The following N4BP2L2 variants were observed in gnomAD, a reference collection of about 807,000 sequenced individuals.
N4BP2L2 encodes the protein NEDD4 binding protein 2 like 2, also known as NEDD4-binding protein 2-like 2.
A neutral mutation model predicts 56.2 loss-of-function variants in N4BP2L2; 50 were observed. That is an observed-to-expected ratio of 0.89 (90% CI 0.71 to 1.13). The LOEUF is 1.13. Among genes scored for constraint, N4BP2L2 ranks in the 50% most tolerant of loss-of-function variants. N4BP2L2 has a pLI of 0.00. For missense variants in N4BP2L2, 689 were observed against 693.8 expected (o/e 0.99, Z 0.08); for synonymous variants, 203 against 223.6 (o/e 0.91, Z 0.82).
chr13:32,483,641 G>C (rs953329885), intron 6 of N4BP2L2, among the ~76,000 whole-genome samples: 8 of 152,132 alleles, frequency 5.3e-5, no homozygotes, highest in Admixed American at 1.3e-4. Flanking sequence ...TAATAGCATT[G>C]CATGATTACT....
chr13:32,491,529 T>A (rs544464618), intron 6 of N4BP2L2, among the ~76,000 whole-genome samples: 181 of 147,866 alleles, frequency 1.2e-3, no homozygotes, highest in African/African-American at 4.3e-3. Context: ...GAAAAAACTA[T>A]ATAAACTATA....
intron 6 of N4BP2L2, among the ~76,000 whole-genome samples, chr13:32,469,744 A>G (rs1191994706): frequency 6.6e-6 from 1 of 152,264 alleles, no homozygotes; most frequent in Non-Finnish European, 1.5e-5. Context: ...ATGCTGGTCC[A>G]GAAAAGTACC....
At chr13:32,510,305 C>A (rs2091570110) in exon 6 of N4BP2L2, 1 of 151,830 alleles carries the variant, frequency 6.6e-6, no homozygotes, top group African/African-American at 2.4e-5. Context: ...TTTAGCAATC[C>A]ATTTATTGAA....
At chr13:32,486,766 G>C (rs1480819312) in intron 6 of N4BP2L2, among the ~76,000 whole-genome samples, 1 of 152,160 alleles carries the variant, frequency 6.6e-6, no homozygotes, top group East Asian at 1.9e-4. Flanking sequence ...TTGGGAGGCA[G>C]AGGCAGGCAG....
intron 6 of N4BP2L2, among the ~76,000 whole-genome samples, chr13:32,479,630 A>G (rs1202517583): frequency 5.3e-5 from 8 of 152,018 alleles, no homozygotes; most frequent in Admixed American, 5.2e-4. Context: ...AAGCAAAAAA[A>G]AAAAGGATCC....
At chr13:32,477,839 T>A (rs1425071939) in intron 6 of N4BP2L2, 1 of 1,282,176 alleles carries the variant, frequency 7.8e-7, no homozygotes, top group East Asian at 5.5e-5. Context: ...GGCATAGTTG[T>A]TTGCACTGGA....
chr13:32,483,436 G>C (rs1257841266), intron 6 of N4BP2L2, among the ~76,000 whole-genome samples: 1 of 152,086 alleles, frequency 6.6e-6, no homozygotes, highest in East Asian at 1.9e-4. Context: ...AGCTATTAAG[G>C]TAAGCTTCAG....
chr13:32,520,741 C>A (rs972305886), intron 5 of N4BP2L2, among the ~76,000 whole-genome samples: 2 of 151,308 alleles, frequency 1.3e-5, no homozygotes, highest in African/African-American at 4.9e-5. Flanking sequence ...AAGATAGGTA[C>A]AAATGGAAGA....
chr13:32,517,873 G>A lies in N4BP2L2; in HGVS notation c.1681C>T (p.Pro561Ser), dbSNP rs772067062. ...CCTCCCCACCTCTGTCTCCCCTGTG[G>A]AGGAGGAGGTCTTTGTGTGCTTTTG... Residue 561 changes from proline (P) to serine (S), a missense_variant, in exon 6 of 6, where the codon CCA becomes TCA. Transcript: ENST00000267068. The A allele has an allele frequency of 3.1e-6, 5 of 1,614,070 alleles. No homozygotes were observed. The Admixed American group carries it at 8.3e-5, about 27-fold the overall frequency.
chr13:32,490,107 C>CCTCCTCCTACTT (rs1041169876), intron 6 of N4BP2L2: 2 of 152,154 alleles, frequency 1.3e-5, no homozygotes, highest in African/African-American at 4.8e-5. Flanking sequence ...GCAAAGCACT[C>CCTCCTCCTACTT]TTTCTCCTCC....
At chr13:32,467,174 G>T (rs1167468047) in intron 6 of N4BP2L2, among the ~76,000 whole-genome samples, 3 of 151,956 alleles carry the variant, frequency 2.0e-5, no homozygotes, top group Non-Finnish European at 4.4e-5. Context: ...GAGATAACGT[G>T]AAGATGAAGA....
chr13:32,529,298 G>C (rs1453467867), intron 2 of N4BP2L2, among the ~76,000 whole-genome samples: 1 of 152,174 alleles, frequency 6.6e-6, no homozygotes, highest in African/African-American at 2.4e-5. Context: ...TAAAAACTGT[G>C]ATTACTTTTG....
Position 32,521,241 on chromosome 13 carries a change from G to GA in N4BP2L2, c.1550+131dup, listed in dbSNP as rs2050807110. On this transcript the variant is annotated intron_variant, in intron 5 of 5. Transcript: ENST00000267068. ...AGAAGTGGCCTAGCCAAAAACCAGA[G>GA]AAAAAAGGTCCTCACATTTTACCCT... The GA allele has an allele frequency of 1.4e-5, 10 of 707,902 alleles. No individual in the cohort carries two copies. The East Asian group carries it at 2.4e-4, about 17-fold the overall frequency. The allele number at this position is 707,902 out of a possible 1,614,324, so 43.9% of individuals were successfully genotyped here.
At chr13:32,493,105 A>T (rs541961996) in intron 6 of N4BP2L2, among the ~76,000 whole-genome samples, 7 of 151,772 alleles carry the variant, frequency 4.6e-5, no homozygotes, top group African/African-American at 1.7e-4. Context: ...TTGTATTTTT[A>T]GTAGAGACGG....
At chr13:32,516,576 TG>T (rs1326018033) in exon 6 of N4BP2L2, 9 of 152,170 alleles carry the variant, frequency 5.9e-5, no homozygotes, top group Non-Finnish European at 4.4e-5. Flanking sequence ...AGAAATACTA[TG>T]GGATTCAAGA....
chr13:32,492,916 GTTT>G (rs35025430), intron 6 of N4BP2L2, among the ~76,000 whole-genome samples: 2 of 107,498 alleles, frequency 1.9e-5, no homozygotes, highest in African/African-American at 7.4e-5. Flanking sequence ...TAGCTTTTCT[GTTT>G]TTTTTTTTTT....
intron 6 of N4BP2L2, among the ~76,000 whole-genome samples, chr13:32,449,475 A>C (rs1016211097): frequency 3.9e-5 from 6 of 152,244 alleles, no homozygotes; most frequent in Non-Finnish European, 5.9e-5. Flanking sequence ...AAAAAGTTAA[A>C]CTGCACTGAA....
chr13:32,538,525 C>T, intron 1 of N4BP2L2, 93 bp downstream of exon 1: 2 of 727,494 alleles, frequency 2.7e-6, no homozygotes, highest in Non-Finnish European at 3.4e-6. Context: ...CTTACGTCTA[C>T]GTTTACAGCT....
chr13:32,477,588 T>A (rs1317588595), intron 6 of N4BP2L2: 8 of 274,776 alleles, frequency 2.9e-5, no homozygotes, highest in Non-Finnish European at 5.8e-5. Context: ...CTCAGTTGAT[T>A]GTTATATAGC....
Sources: allele counts gnomAD v4.1 joint callset (sites outside exome capture counted in the v4.1 genomes callset), GRCh38; gene constraint gnomAD v4.1.1; transcripts MANE v1.5; gene names NCBI Gene and HGNC (gene_info 2026-07-23, HGNC 2026-07-21).